Variants in C4orf50 observed in about 807,000 individuals in gnomAD.
C4orf50 encodes the protein chromosome 4 open reading frame 50.
C4orf50 carries 80 observed loss-of-function variants against 77.2 expected under a neutral mutation model. The ratio of observed to expected loss-of-function variants is 1.04; its 90% CI spans 0.87 to 1.25. The LOEUF (loss-of-function observed/expected upper bound fraction) is 1.25. Among genes scored for constraint, C4orf50 ranks in the 50% most tolerant of loss-of-function variants. The pLI is 0.00. For synonymous variants in C4orf50, 532 were observed against 465.3 expected (o/e 1.14, Z -1.84); for missense variants, 1,257 against 1,152.9 (o/e 1.09, Z -1.31).
At chr4:5,950,629 ACT>A in intron 7 of C4orf50, among the ~76,000 whole-genome samples, 1 of 152,268 alleles carries the variant, frequency 6.6e-6, no homozygotes, top group Non-Finnish European at 1.5e-5. Context: ...TCAAAATGGC[ACT>A]TCCTCCAGGA....
chr4:5,957,710 G>C (rs556228312), exon 34 of C4orf50: 2 of 152,052 alleles, frequency 1.3e-5, no homozygotes, highest in African/African-American at 4.8e-5. Context: ...CAGATCTGTG[G>C]GTAAATCAAT....
rs1032295020 is a variant in C4orf50, at chr4:5,932,924, G to A, written c.*2474+23977C>T. ...ATGGTGGTGCAGCTCCTGGCATACA[G>A]CAGCCACTCAATAAATGGCGGAAAC... On this transcript the variant is annotated intron_variant, in intron 7 of 7. Transcript: ENST00000324058. The surrounding 1 kb of genome is among the most constrained non-coding windows in gnomAD (Gnocchi z 4.2). 2.0e-5 allele frequency among the ~76,000 whole-genome samples: 3 copies of A among 152,182 alleles called. No individual in the cohort carries two copies. The highest frequency in any genetic ancestry group is 7.2e-5 in the African/African-American group (3 of 41,436).
intron 25 of C4orf50, among the ~76,000 whole-genome samples, chr4:6,001,565 G>T (rs116766389): frequency 0.014 from 2,161 of 152,220 alleles, 50 homozygotes; most frequent in African/African-American, 0.049. Context: ...TCCTAAACGA[G>T]CCAAGAAGCC....
chr4:5,903,500 T>G (rs1716423200), intron 7 of C4orf50: 1 of 152,174 alleles, frequency 6.6e-6, no homozygotes, highest in South Asian at 2.1e-4. Flanking sequence ...TGCTGCCACA[T>G]GAACCTCGAA....
chr4:5,946,536 C>A (rs1024069819), intron 7 of C4orf50, among the ~76,000 whole-genome samples: 1 of 152,144 alleles, frequency 6.6e-6, no homozygotes, highest in East Asian at 1.9e-4. Context: ...ACCAAGATGT[C>A]CAAGCTGGAC....
chr4:5,936,247 T>C (rs918562204), intron 7 of C4orf50, among the ~76,000 whole-genome samples: 1 of 151,018 alleles, frequency 6.6e-6, no homozygotes, highest in African/African-American at 2.4e-5. Context: ...TCTAATGAAA[T>C]TACCTAGAAT....
At chr4:5,985,191 T>C (rs989347436) in intron 28 of C4orf50, among the ~76,000 whole-genome samples, 1 of 151,904 alleles carries the variant, frequency 6.6e-6, no homozygotes, top group African/African-American at 2.4e-5. Context: ...AAAAGAAATA[T>C]GAGAAAATTA....
intron 28 of C4orf50, among the ~76,000 whole-genome samples, chr4:5,984,036 A>C (rs545825251): frequency 2.0e-5 from 3 of 152,372 alleles, no homozygotes; most frequent in Admixed American, 2.0e-4. Context: ...AATGGAGAGC[A>C]CTTGGTGAAT....
chr4:5,935,807 A>AC (rs1717986084), intron 7 of C4orf50, among the ~76,000 whole-genome samples: 1 of 145,334 alleles, frequency 6.9e-6, no homozygotes, highest in African/African-American at 2.7e-5. Context: ...AAAAAAAAAA[A>AC]AAAGCCCCAG....
chr4:5,918,612 C>A (rs988044493), intron 7 of C4orf50, among the ~76,000 whole-genome samples: 2 of 152,186 alleles, frequency 1.3e-5, no homozygotes, highest in African/African-American at 4.8e-5. Flanking sequence ...CAGAAGGAAG[C>A]TCTAAGGGAA....
chr4:5,951,695 C>T (rs920868625), intron 7 of C4orf50, among the ~76,000 whole-genome samples: 11 of 152,152 alleles, frequency 7.2e-5, no homozygotes, highest in African/African-American at 2.7e-4. Flanking sequence ...AATTTCAAAG[C>T]TGAAGAGAGT....
At chr4:5,990,219 C>T in exon 28 of C4orf50, 1 of 1,244,158 alleles carries the variant, frequency 8.0e-7, no homozygotes, top group Non-Finnish European at 1.0e-6. Flanking sequence ...CGGCCTTAGT[C>T]TCTGAAGCCC....
intron 7 of C4orf50, among the ~76,000 whole-genome samples, chr4:5,937,027 T>TA (rs541636633): frequency 8.3e-4 from 123 of 147,354 alleles, no homozygotes; most frequent in Admixed American, 4.1e-3. Flanking sequence ...CACCTAACCA[T>TA]AAAAAAAAAA....
chr4:5,998,556 C>T (rs1189433740), intron 25 of C4orf50, among the ~76,000 whole-genome samples: 1 of 152,198 alleles, frequency 6.6e-6, no homozygotes, highest in East Asian at 1.9e-4. Flanking sequence ...CGGGATCATC[C>T]AGTCACTCCT....
chr4:5,959,562 G>C, exon 34 of C4orf50: 2 of 1,614,146 alleles, frequency 1.2e-6, no homozygotes, highest in Non-Finnish European at 1.7e-6. Flanking sequence ...GGGGAGACCT[G>C]GTTCCACAGT....
intron 7 of C4orf50, among the ~76,000 whole-genome samples, chr4:5,947,548 C>T (rs1718535684): frequency 1.4e-5 from 2 of 144,428 alleles, no homozygotes; most frequent in African/African-American, 2.5e-5. Context: ...GCTCAAGCAA[C>T]GGATGGGAAA....
chr4:5,957,493 C>A (rs1719034856), exon 34 of C4orf50: 1 of 152,144 alleles, frequency 6.6e-6, no homozygotes. Context: ...TATAGGGAAG[C>A]CCTGGGGTGG....
chr4:5,965,327 C>T (rs912563333), intron 32 of C4orf50, among the ~76,000 whole-genome samples, 182 bp from the exon 11 acceptor site: 10 of 152,212 alleles, frequency 6.6e-5, no homozygotes, highest in African/African-American at 1.4e-4. Context: ...CTCACCCATA[C>T]GCCTCTGATG....
chr4:6,000,370 G>T lies in C4orf50; in HGVS notation c.964-5894C>A, dbSNP rs532298820. 1.9e-4 allele frequency among the ~76,000 whole-genome samples: 29 copies of T among 152,138 alleles called. No homozygotes were observed. The highest frequency in any genetic ancestry group is 2.9e-4 in the Non-Finnish European group (20 of 68,026). The stretch of plus-strand genomic sequence containing the variant: ...CACTTTAATTTATAAATTCCAGGCT[G>T]CATTCAACCTGAGAGCTGGTGGCTG... On this transcript the variant is annotated intron_variant, in intron 25 of 33. Transcript: ENST00000531445. The surrounding 1 kb of genome is among the most constrained non-coding windows in gnomAD (Gnocchi z 6.0).
Sources: allele counts gnomAD v4.1 joint callset (sites outside exome capture counted in the v4.1 genomes callset), GRCh38; gene constraint gnomAD v4.1.1; non-coding constraint Gnocchi (gnomAD v3.1); transcripts MANE v1.5; gene names NCBI Gene and HGNC (gene_info 2026-07-23, HGNC 2026-07-21).